The following DSCAML1 variants were observed in gnomAD, a reference collection of about 807,000 sequenced individuals.
DSCAML1 encodes the protein DS cell adhesion molecule like 1.
Under a neutral mutation model 200.5 loss-of-function variants are expected in DSCAML1, and 38 were observed. The ratio of observed to expected loss-of-function variants is 0.19; its 90% CI spans 0.15 to 0.25. DSCAML1 has a LOEUF of 0.25. Ranked by LOEUF, DSCAML1 falls within the 10% of genes least tolerant of loss-of-function variation. The probability of loss-of-function intolerance (pLI) is 1.00; values close to 1 mark genes in which losing one functional copy is unlikely to be tolerated. For synonymous variants in DSCAML1, 1,215 were observed against 1,165.0 expected, an observed-to-expected ratio of 1.04 and a Z score of -0.87; for missense variants, 2,223 against 2,858.8, an observed-to-expected ratio of 0.78 and a Z score of 5.07.
intron 32 of DSCAML1, 127 bp downstream of exon 32, chr11:117,430,595 G>C: frequency 9.0e-7 from 1 of 1,105,632 alleles, no homozygotes; most frequent in Non-Finnish European, 1.3e-6. Flanking sequence ...GTACCACCCT[G>C]CACTGCCAAG....
intron 3 of DSCAML1, among the ~76,000 whole-genome samples, chr11:117,652,222 G>T (rs2052647145): frequency 6.6e-6 from 1 of 152,230 alleles, no homozygotes; most frequent in African/African-American, 2.4e-5. Flanking sequence ...TGGAGACAAG[G>T]CGTTGGTAGA....
intron 11 of DSCAML1, among the ~76,000 whole-genome samples, chr11:117,482,403 A>T (rs2048947208): frequency 6.6e-6 from 1 of 152,174 alleles, no homozygotes; most frequent in African/African-American, 2.4e-5. Context: ...CTGTGCTCAG[A>T]ATGCTTTTAC....
At chr11:117,621,940 T>C (rs1025878559) in intron 3 of DSCAML1, among the ~76,000 whole-genome samples, 3 of 152,250 alleles carry the variant, frequency 2.0e-5, no homozygotes, top group Non-Finnish European at 4.4e-5. Context: ...TGAAAGGACG[T>C]GTTTCATAAA....
intron 3 of DSCAML1, among the ~76,000 whole-genome samples, chr11:117,729,885 T>G (rs1334453351): frequency 6.6e-6 from 1 of 152,120 alleles, no homozygotes; most frequent in Non-Finnish European, 1.5e-5. Flanking sequence ...GTGGGCCCAA[T>G]GTAATTGCAA....
At chr11:117,570,977 C>G (rs2050839206) in intron 3 of DSCAML1, among the ~76,000 whole-genome samples, 1 of 152,246 alleles carries the variant, frequency 6.6e-6, no homozygotes, top group Non-Finnish European at 1.5e-5. Flanking sequence ...CACATGGCAG[C>G]TGAGGGTAGA....
At chr11:117,601,826 C>T (rs1260397690) in intron 3 of DSCAML1, among the ~76,000 whole-genome samples, 1 of 152,208 alleles carries the variant, frequency 6.6e-6, no homozygotes, top group Admixed American at 6.5e-5. Flanking sequence ...TCATATTTTC[C>T]CCAGGGCTGG....
At chr11:117,771,487 C>T (rs2055038939) in intron 3 of DSCAML1, among the ~76,000 whole-genome samples, 1 of 152,202 alleles carries the variant, frequency 6.6e-6, no homozygotes, top group African/African-American at 2.4e-5. Flanking sequence ...CTGGTCACTG[C>T]ACACACAGCC....
intron 23 of DSCAML1, 21 bp from the exon 24 acceptor site, chr11:117,439,004 C>A (rs1382569215): frequency 1.1e-5 from 17 of 1,588,312 alleles, no homozygotes; most frequent in Non-Finnish European, 1.4e-5. Context: ...AAAGCCACCA[C>A]CCCTTAGCAC....
intron 3 of DSCAML1, among the ~76,000 whole-genome samples, chr11:117,731,039 A>C (rs2054208565): frequency 6.6e-6 from 1 of 152,174 alleles, no homozygotes; most frequent in South Asian, 2.1e-4. Context: ...GTTTCCTTTA[A>C]GGGTGATGAG....
chr11:117,654,933 T>C (rs1173937096), intron 3 of DSCAML1, among the ~76,000 whole-genome samples: 1 of 152,084 alleles, frequency 6.6e-6, no homozygotes, highest in East Asian at 1.9e-4. Context: ...GGATGTAAAA[T>C]ATAGAATCAG....
intron 1 of DSCAML1, among the ~76,000 whole-genome samples, chr11:117,790,862 C>G (rs1050989989): frequency 6.6e-6 from 1 of 152,218 alleles, no homozygotes; most frequent in Admixed American, 6.5e-5. Flanking sequence ...TTCCAACACA[C>G]AGACACACAT....
At chr11:117,554,678 G>A (rs1481578258) in intron 3 of DSCAML1, among the ~76,000 whole-genome samples, 1 of 152,078 alleles carries the variant, frequency 6.6e-6, no homozygotes, top group Admixed American at 6.5e-5. Context: ...CGCCCGGCCT[G>A]GCACAAACAT....
intron 3 of DSCAML1, among the ~76,000 whole-genome samples, chr11:117,649,041 ATGTG>A (rs58257943): frequency 0.03 from 4,197 of 137,832 alleles, 98 homozygotes; most frequent in African/African-American, 0.042. Flanking sequence ...CTCCATATAT[ATGTG>A]TGTGTGTGTG....
At chr11:117,659,452 A>G (rs1320449120) in intron 3 of DSCAML1, among the ~76,000 whole-genome samples, 1 of 152,230 alleles carries the variant, frequency 6.6e-6, no homozygotes, top group Non-Finnish European at 1.5e-5. Context: ...CAGGACAGCA[A>G]TTGTATTCTC....
At chr11:117,495,634 G>A (rs1156949893) in intron 11 of DSCAML1, among the ~76,000 whole-genome samples, 1 of 152,046 alleles carries the variant, frequency 6.6e-6, no homozygotes, top group Non-Finnish European at 1.5e-5. Context: ...TCCTGGCAGA[G>A]TGTCAGCCAG....
intron 3 of DSCAML1, among the ~76,000 whole-genome samples, chr11:117,564,643 CTT>C (rs1210899199): frequency 3.5e-4 from 53 of 151,730 alleles, no homozygotes; most frequent in African/African-American, 1.3e-3. Context: ...CTCTCTCTCT[CTT>C]TCTTTCTTTC....
At chr11:117,571,264 C>T (rs1477265183) in intron 3 of DSCAML1, among the ~76,000 whole-genome samples, 1 of 152,168 alleles carries the variant, frequency 6.6e-6, no homozygotes, top group Non-Finnish European at 1.5e-5. Flanking sequence ...GGAGATCATC[C>T]TTATCATTGC....
intron 3 of DSCAML1, among the ~76,000 whole-genome samples, chr11:117,601,052 A>C (rs2051455773): frequency 6.6e-6 from 1 of 152,062 alleles, no homozygotes; most frequent in East Asian, 1.9e-4. Context: ...AAAGTATTAA[A>C]AGCCACCATT....
intron 3 of DSCAML1, among the ~76,000 whole-genome samples, chr11:117,610,744 T>A (rs770816030): frequency 1.3e-4 from 19 of 151,832 alleles, no homozygotes; most frequent in Non-Finnish European, 2.6e-4. Context: ...CACACAGTCA[T>A]ATTCATTTAT....
Sources: allele counts gnomAD v4.1 joint callset (sites outside exome capture counted in the v4.1 genomes callset), GRCh38; gene constraint gnomAD v4.1.1; transcripts MANE v1.5; gene names NCBI Gene and HGNC (gene_info 2026-07-23, HGNC 2026-07-21).